CHRDL1: variants seen among roughly 807,000 people sequenced by gnomAD.
CHRDL1 encodes the protein chordin like 1.
A neutral mutation model predicts 40.9 loss-of-function variants in CHRDL1; 19 were observed. That is an observed-to-expected ratio of 0.46 (90% CI 0.32 to 0.68). The LOEUF is 0.68. CHRDL1 is among the 30% of genes least tolerant of loss of function. The pLI, the probability that CHRDL1 is intolerant of heterozygous loss-of-function variation, is 0.03. For synonymous variants in CHRDL1, 136 were observed against 123.4 expected (o/e 1.10, Z -0.68); for missense variants, 329 against 352.1 (o/e 0.93, Z 0.53).
intron 4 of CHRDL1, among the ~76,000 whole-genome samples, chrX:110,759,228 G>C (rs1024615442): frequency 1.8e-5 from 2 of 111,942 alleles, no homozygotes. Context: ...AACCTCACTG[G>C]GTCAGCTCCT....
chrX:110,689,688 T>TATC (rs1569462018), intron 8 of CHRDL1, among the ~76,000 whole-genome samples: 1 of 43,577 alleles, frequency 2.3e-5, no homozygotes, highest in Non-Finnish European at 3.3e-5. Flanking sequence ...TATATCTATA[T>TATC]ATCTATATAT....
At chrX:110,783,249 T>C (rs770706900) in intron 2 of CHRDL1, among the ~76,000 whole-genome samples, 89 of 112,051 alleles carry the variant, frequency 7.9e-4, no homozygotes, top group Admixed American at 7.8e-3. Flanking sequence ...TGCCTCAGCA[T>C]CCCGAGTAGC....
chrX:110,787,059 C>A (rs965539151), intron 2 of CHRDL1, among the ~76,000 whole-genome samples: 3 of 111,486 alleles, frequency 2.7e-5, no homozygotes, highest in Non-Finnish European at 5.7e-5. Context: ...TGTCCTTGTA[C>A]AAAGTCACTT....
Position 110,792,202 on chromosome X carries a change from A to C in CHRDL1, c.-21T>G. The stretch of plus-strand genomic sequence containing the variant: ...CTCATTTGGACCACTGCAAAAGGTG[A>C]CAGAACCTTCAAGCTGTTGGGAAGA... On this transcript the variant is annotated 5_prime_UTR_variant, in exon 2 of 12. Coordinates refer to ENST00000372042, the MANE Select transcript of CHRDL1 (RefSeq NM_001143981.2). 1.0e-6 allele frequency: 1 copy of C among 974,876 alleles called. No individual in the cohort carries two copies. The highest frequency in any genetic ancestry group is 1.4e-6 in the Non-Finnish European group (1 of 690,139). 80.3% of individuals were successfully genotyped at this position (974,876 alleles called of 1,213,427 possible).
intron 2 of CHRDL1, among the ~76,000 whole-genome samples, chrX:110,784,536 C>T (rs1251462194): frequency 9.2e-6 from 1 of 108,977 alleles, no homozygotes. Flanking sequence ...CTCAGCCTCC[C>T]GAGTAGCTGA....
intron 4 of CHRDL1, among the ~76,000 whole-genome samples, chrX:110,737,219 G>T (rs773056569): frequency 1.2e-4 from 14 of 112,189 alleles, no homozygotes; most frequent in Non-Finnish European, 1.1e-4. Flanking sequence ...TTAAATGGCT[G>T]CAGAGAATGA....
chrX:110,772,121 A>C (rs765266460), intron 2 of CHRDL1, among the ~76,000 whole-genome samples: 1 of 111,503 alleles, frequency 9.0e-6, no homozygotes, highest in Non-Finnish European at 1.9e-5. Flanking sequence ...TGAAGGCCTA[A>C]AAAATGGAGA....
chrX:110,758,497 A>T (rs927684233), intron 4 of CHRDL1, among the ~76,000 whole-genome samples: 3 of 111,611 alleles, frequency 2.7e-5, no homozygotes, highest in African/African-American at 9.8e-5. Context: ...TTATAAAGGT[A>T]GTGACAAAAA....
chrX:110,762,564 A>G, intron 3 of CHRDL1, 131 bp downstream of exon 3: 1 of 440,811 alleles, frequency 2.3e-6, no homozygotes, highest in Non-Finnish European at 3.9e-6. Flanking sequence ...GGCGTGAGAC[A>G]GTGCGATCGG....
intron 7 of CHRDL1, among the ~76,000 whole-genome samples, chrX:110,695,460 T>A (rs2070366988): frequency 9.0e-6 from 1 of 111,096 alleles, no homozygotes; most frequent in Non-Finnish European, 1.9e-5. Context: ...ACTATTGTGC[T>A]ACCCACCCCT....
rs149440508 is a variant in CHRDL1, at chrX:110,693,956, C to T, written c.778+207G>A. 6.1e-3 allele frequency among the ~76,000 whole-genome samples: 675 copies of T among 111,242 alleles called. 2 individuals carry two copies. The highest frequency in any genetic ancestry group is 0.021 in the African/African-American group (643 of 30,558). On this transcript the variant is annotated intron_variant, in intron 8 of 11. Transcript: ENST00000372042. ...ACAAGAGGCTGTTTACAAAAGGGAC[C>T]GGACTATGCTCTTTTGGCTGCATTT...
At chrX:110,683,724 T>C (rs749688663) in intron 9 of CHRDL1, among the ~76,000 whole-genome samples, 3 of 111,586 alleles carry the variant, frequency 2.7e-5, no homozygotes, top group Non-Finnish European at 5.6e-5. Flanking sequence ...GATTATTTCC[T>C]TGTCTGTGAG....
At chrX:110,723,200 G>A (rs761231744) in intron 4 of CHRDL1, among the ~76,000 whole-genome samples, 7 of 111,274 alleles carry the variant, frequency 6.3e-5, no homozygotes, top group Non-Finnish European at 9.4e-5. Context: ...GCAGTGAGCC[G>A]TGATCACGCC....
Position 110,756,850 on chromosome X carries a change from C to T in CHRDL1, c.301+2811G>A, listed in dbSNP as rs201484926. On this transcript the variant is annotated intron_variant, in intron 4 of 11. Coordinates refer to ENST00000372042, the MANE Select transcript of CHRDL1 (RefSeq NM_001143981.2). ...ATCTAAAAATATTTAGATATTTGAACAATCTGAAATGGACTTCAAATAAAC... is the reference window on the plus strand; with the variant it reads ...ATCTAAAAATATTTAGATATTTGAATAATCTGAAATGGACTTCAAATAAAC... Among the ~76,000 whole-genome samples the T allele has an allele frequency of 6.3e-5, 7 of 111,809 alleles. No individual in the cohort carries two copies. In the East Asian group the frequency reaches 1.4e-3, roughly 22 times the overall value.
chrX:110,783,539 C>T (rs145062849), intron 2 of CHRDL1, among the ~76,000 whole-genome samples: 1,331 of 111,890 alleles, frequency 0.012, 18 homozygotes, highest in African/African-American at 0.041. Context: ...GCAGTATAAT[C>T]AATAACACAT....
At chrX:110,679,972 A>G (rs1263262399) in intron 10 of CHRDL1, among the ~76,000 whole-genome samples, 1 of 111,950 alleles carries the variant, frequency 8.9e-6, no homozygotes, top group Admixed American at 9.5e-5. Context: ...ATAAATGGGG[A>G]GAGTTAAAAT....
Position 110,747,500 on chromosome X carries a change from T to G in CHRDL1, c.301+12161A>C, listed in dbSNP as rs113129691. ...TAGACAAATATAACAGTCCCCCAAA[T>G]TGCCATATGCACATACAGAATCCTA... On this transcript the variant is annotated intron_variant, in intron 4 of 11. Transcript: ENST00000372042. Among the ~76,000 whole-genome samples the G allele has an allele frequency of 3.5e-3, 388 of 109,975 alleles. 3 individuals are homozygous for G. The highest frequency in any genetic ancestry group is 0.012 in the African/African-American group (366 of 30,001).
At chrX:110,704,936 T>C (rs771356139) in intron 6 of CHRDL1, among the ~76,000 whole-genome samples, 1 of 111,587 alleles carries the variant, frequency 9.0e-6, no homozygotes, top group African/African-American at 3.2e-5. Flanking sequence ...GTAGATTTAA[T>C]GATTGGTATT....
Position 110,721,402 on chromosome X carries a change from T to G in CHRDL1, c.430A>C (p.Thr144Pro), listed in dbSNP as rs751288844. 3.3e-6 allele frequency: 4 copies of G among 1,209,321 alleles called. No homozygotes were observed. In the Admixed American group the frequency reaches 8.7e-5, roughly 26 times the overall value. Residue 144 changes from threonine (T) to proline (P), a missense_variant, in exon 5 of 12, where the codon ACC becomes CCC. Transcript: ENST00000372042. ...GGTCTTACCGAACAGCTGCACTGGG[T>G]GCATTGATTGGGTTGCCGATTCTGA... is the stretch of plus-strand genomic sequence containing the variant. Reference protein sequence around the residue: ...LFQNRQPNQCTQCSCSEGNVY... With the variant: ...LFQNRQPNQCPQCSCSEGNVY...
Sources: allele counts gnomAD v4.1 joint callset (sites outside exome capture counted in the v4.1 genomes callset), GRCh38; gene constraint gnomAD v4.1.1; transcripts MANE v1.5; gene names NCBI Gene and HGNC (gene_info 2026-07-23, HGNC 2026-07-21).